The following TEP1 variants were observed in gnomAD, a reference collection of about 807,000 sequenced individuals.
TEP1 encodes the protein telomerase associated protein 1, also known as telomerase protein component 1.
A neutral mutation model predicts 306.3 loss-of-function variants in TEP1; 241 were observed. The ratio of observed to expected loss-of-function variants is 0.79; its 90% CI spans 0.71 to 0.88. TEP1 has a LOEUF of 0.88. Ranked by LOEUF, TEP1 falls within the 40% of genes least tolerant of loss-of-function variation. The pLI, the probability that TEP1 is intolerant of heterozygous loss-of-function variation, is 0.00. For missense variants in TEP1, 3,051 were observed against 3,276.1 expected (o/e 0.93, Z 1.68); for synonymous variants, 1,289 against 1,305.5 (o/e 0.99, Z 0.27).
chr14:20,384,130 G>A lies in TEP1; in HGVS notation c.3442C>T (p.Leu1148Phe). 6.2e-7 allele frequency: 1 copy of A among 1,614,162 alleles called. No homozygotes were observed. The highest frequency in any genetic ancestry group is 1.6e-4 in the Middle Eastern group (1 of 6,062). Residue 1148 changes from leucine to phenylalanine, a missense_variant, in exon 24 of 55, where the codon CTT becomes TTT. Coordinates refer to ENST00000262715, the MANE Select transcript of TEP1 (RefSeq NM_007110.5). ...QKPPSPARPR[L>F]LQDTVQRLML... is the part of the protein sequence containing the mutation. ...AGCCGTTGCACTGTGTCCTGAAGAA[G>A]GCGTGGCCGGGCAGGACTCGGTGGC...
At position 20,380,315 on chromosome 14, in the gene TEP1, G is replaced by C; in HGVS notation, c.4923C>G (p.Ala1641=). 6.2e-7 allele frequency: 1 copy of C among 1,614,190 alleles called. No homozygotes were observed. The highest frequency in any genetic ancestry group is 8.5e-7 in the Non-Finnish European group (1 of 1,180,036). Residue 1641 remains alanine (A), a synonymous_variant, in exon 34 of 55, where the codon GCC becomes GCG. Transcript: ENST00000262715. Reference sequence around the variant, plus strand: ...GGTGCCATCTCCGGGAGAGCAGCGAGGCTTGGTGGCAAAGAGGTGAGTCCA... The same window carrying C: ...GGTGCCATCTCCGGGAGAGCAGCGACGCTTGGTGGCAAAGAGGTGAGTCCA... ...QPLDSPLCHQ[A]SLLSRRWHLQ...
chr14:20,378,857 T>A lies in TEP1; in HGVS notation c.5253-4A>T. On this transcript the variant is annotated splice_polypyrimidine_tract_variant and splice_region_variant and intron_variant, in intron 36 of 54. Transcript: ENST00000262715. ...GTGAGCCTTAGTCTGCAGCACCCTA[T>A]CCCAGGAAGATGAAGTCAGTCCTCT... 1 of 1,614,146 alleles carries A rather than the reference T, an allele frequency of 6.2e-7. No individual in the cohort carries two copies. Among genetic ancestry groups the A allele is most frequent in the Non-Finnish European group, 8.5e-7 (1 of 1,180,008 alleles).
chr14:20,373,798 C>T lies in TEP1; in HGVS notation c.6484G>A (p.Val2162Met), dbSNP rs1236491753. ...SAVAAVEEHV[V>M]SVSRDGTLKV... ...AAGGTCCCATCCCGGCTCACAGACA[C>T]CACGTGCTCCTCCTGCCCACAGAGC... is the stretch of plus-strand genomic sequence containing the variant. The change falls in exon 45 of 55, where the codon GTG (valine) becomes ATG (methionine). Residue 2162 changes from valine to methionine, a missense_variant. By Grantham distance (21) the Val-to-Met change is conservative (BLOSUM62 1). Transcript: ENST00000262715. The T allele has an allele frequency of 6.2e-7, 1 of 1,613,110 alleles. No individual in the cohort carries two copies. Among genetic ancestry groups the T allele is most frequent in the Non-Finnish European group, 8.5e-7 (1 of 1,179,928 alleles).
chr14:20,409,995 T>C (rs1594382038), intron 1 of TEP1, among the ~76,000 whole-genome samples: 1 of 109,948 alleles, frequency 9.1e-6, no homozygotes, highest in African/African-American at 3.7e-5. Flanking sequence ...CACTCCAGCC[T>C]GGGCGACAGA....
chr14:20,387,383 C>T (rs1877278117), intron 18 of TEP1, among the ~76,000 whole-genome samples: 1 of 150,200 alleles, frequency 6.7e-6, no homozygotes, highest in South Asian at 2.1e-4. Context: ...CCTGTCTCTA[C>T]TAAAAATCCA....
Position 20,396,667 on chromosome 14 carries a change from A to T in TEP1, c.1613T>A (p.Ile538Asn). The change falls in exon 10 of 55, where the codon ATC becomes AAC. Residue 538 changes from isoleucine (I) to asparagine (N), a missense_variant. Around this residue, in one of 3 missense-constraint regions of TEP1, gnomAD observed 1,507 missense variants for 1,550.5 expected, o/e 0.97. Coordinates refer to ENST00000262715, the MANE Select transcript of TEP1 (RefSeq NM_007110.5). The part of the protein sequence containing the change: ...RNLCNLLRVG[I>N]SSRHHELILQ... ...AATGAGCTCATGGTGGCGGGAACTG[A>T]TTCCAACCCGCAGCAGGTTGCACAG... 1 of 1,612,294 alleles carries T rather than the reference A, an allele frequency of 6.2e-7. No individual in the cohort carries two copies. The highest frequency in any genetic ancestry group is 8.5e-7 in the Non-Finnish European group (1 of 1,178,502).
intron 43 of TEP1, among the ~76,000 whole-genome samples, chr14:20,375,286 A>C (rs1885109252): frequency 6.6e-6 from 1 of 152,036 alleles, no homozygotes; most frequent in Non-Finnish European, 1.5e-5. Context: ...CCTTCTGAGT[A>C]GCTGGGATTA....
chr14:20,390,641 T>G (rs747647389), intron 15 of TEP1, 40 bp downstream of exon 15: 1 of 1,586,854 alleles, frequency 6.3e-7, no homozygotes, highest in East Asian at 2.2e-5. Context: ...CAGAGGAAAA[T>G]GTGGGGGAGG....
chr14:20,401,718 A>G, intron 7 of TEP1, 137 bp from the exon 8 acceptor site: 1 of 1,288,614 alleles, frequency 7.8e-7, no homozygotes, highest in Non-Finnish European at 1.1e-6. Flanking sequence ...GCCAAGGAGC[A>G]GGAATAGAGG....
chr14:20,408,129 A>T lies in TEP1; in HGVS notation c.311T>A (p.Ile104Asn). Residue 104 changes from isoleucine to asparagine, a missense_variant, in exon 2 of 55, where the codon ATC becomes AAC. Coordinates refer to ENST00000262715, the MANE Select transcript of TEP1 (RefSeq NM_007110.5). ...CAGGCACCGGTTCTCCAAGGAGAGG[A>T]TGTCTGGGTGGGCAGAAACATGTCC... ...PHGHVSAHPD[I>N]LSLENRCLAT... 1 of 1,609,950 alleles carries T rather than the reference A, an allele frequency of 6.2e-7. No individual in the cohort carries two copies. The highest frequency in any genetic ancestry group is 8.5e-7 in the Non-Finnish European group (1 of 1,177,492).
At chr14:20,379,788 C>T (rs1415852883) in intron 35 of TEP1, 142 bp downstream of exon 35, 8 of 1,150,832 alleles carry the variant, frequency 7.0e-6, no homozygotes, top group Non-Finnish European at 8.3e-6. Context: ...ATTTTTTGGC[C>T]AAGCCCTTTG....
chr14:20,386,330 G>C (rs1412761393), intron 19 of TEP1, 117 bp downstream of exon 19: 5 of 1,581,796 alleles, frequency 3.2e-6, no homozygotes, highest in Non-Finnish European at 4.3e-6. Flanking sequence ...TAGTATCCAA[G>C]GAGCGACTCC....
At chr14:20,396,285 A>G (rs1217451514) in intron 10 of TEP1, among the ~76,000 whole-genome samples, 1 of 152,242 alleles carries the variant, frequency 6.6e-6, no homozygotes, top group East Asian at 1.9e-4. Flanking sequence ...CCTTGCCAAC[A>G]TCGCAAAACC....
chr14:20,389,430 T>C, intron 16 of TEP1, 133 bp from the exon 17 acceptor site: 1 of 1,420,726 alleles, frequency 7.0e-7, no homozygotes, highest in East Asian at 2.3e-5. Context: ...AGGGCTAGGG[T>C]GGACTCTCAC....
At chr14:20,389,548 C>A in intron 16 of TEP1, 62 bp downstream of exon 16, 1 of 1,595,452 alleles carries the variant, frequency 6.3e-7, no homozygotes, top group Admixed American at 1.7e-5. Context: ...CTTTGGCAGG[C>A]GTAGAGAGGA....
Position 20,383,487 on chromosome 14 carries a change from C to G in TEP1, c.3867+1G>C. On this transcript the variant is annotated splice_donor_variant, in intron 26 of 54. Transcript: ENST00000262715. LOFTEE classifies it high-confidence loss of function. ...GACACCCACCTCCTTCTCACACTCA[C>G]CCGGGGAAGCTTCTTTGGGATCCAG... 1 of 1,614,192 alleles carries G rather than the reference C, an allele frequency of 6.2e-7. No individual in the cohort carries two copies. The highest frequency in any genetic ancestry group is 1.3e-5 in the African/African-American group (1 of 75,074).
Position 20,401,152 on chromosome 14 carries a change from G to A in TEP1, c.1392-11C>T, listed in dbSNP as rs1161525614. Reference sequence around the variant, plus strand: ...AGGTTGGAGGGGTATCTGAGGATAGGTAAGAAAGAGGTCTATCATTTCAGA... The same window carrying A: ...AGGTTGGAGGGGTATCTGAGGATAGATAAGAAAGAGGTCTATCATTTCAGA... On this transcript the variant is annotated splice_polypyrimidine_tract_variant and intron_variant, in intron 8 of 54. Coordinates refer to ENST00000262715, the MANE Select transcript of TEP1 (RefSeq NM_007110.5). The A allele has an allele frequency of 6.2e-7, 1 of 1,613,450 alleles. No homozygotes were observed. Among genetic ancestry groups the A allele is most frequent in the African/African-American group, 1.3e-5 (1 of 74,868 alleles).
At chr14:20,412,775 T>C (rs1760892) in intron 1 of TEP1, among the ~76,000 whole-genome samples, 106,107 of 149,514 alleles carry the variant, frequency 0.71, 37,800 homozygotes, top group Middle Eastern at 0.79. Context: ...TCTCCTGCCT[T>C]AGCCTTCCGA....
intron 11 of TEP1, 84 bp from the exon 12 acceptor site, chr14:20,395,711 C>T: frequency 6.6e-7 from 1 of 1,521,288 alleles, no homozygotes; most frequent in Non-Finnish European, 9.0e-7. Context: ...TGAGCCCCAA[C>T]CCTTGGGGCT....
Sources: allele counts gnomAD v4.1 joint callset (sites outside exome capture counted in the v4.1 genomes callset), GRCh38; gene constraint gnomAD v4.1.1; regional missense constraint gnomAD v4.1.1; transcripts MANE v1.5; gene names NCBI Gene and HGNC (gene_info 2026-07-23, HGNC 2026-07-21).